NAALADL2: variants seen among roughly 807,000 people sequenced by gnomAD.
The protein encoded by NAALADL2 is inactive N-acetylated-alpha-linked acidic dipeptidase-like protein 2.
Under a neutral mutation model 87.2 loss-of-function variants are expected in NAALADL2, and 76 were observed. The ratio of observed to expected loss-of-function variants is 0.87; its 90% CI spans 0.72 to 1.05. The LOEUF (loss-of-function observed/expected upper bound fraction) is 1.05. NAALADL2 is among the 50% of genes least tolerant of loss of function. The pLI, the probability that NAALADL2 is intolerant of heterozygous loss-of-function variation, is 0.00. For synonymous variants in NAALADL2, 354 were observed against 331.0 expected (o/e 1.07, Z -0.75); for missense variants, 1,089 against 945.8 (o/e 1.15, Z -1.99).
At position 174,841,167 on chromosome 3, in the gene NAALADL2, C is replaced by T. The variant is rs564609980; in HGVS notation, c.-9+103421C>T. ...TAAACTATCCTTTTTCTCAGATTCT[C>T]TACAGTTAATTTGTTGTTGGAACCT... On this transcript the variant is annotated intron_variant, in intron 3 of 3. Coordinates refer to the NAALADL2 transcript ENST00000434257. 2.0e-5 allele frequency among the ~76,000 whole-genome samples: 3 copies of T among 152,270 alleles called. No individual in the cohort carries two copies. In the Middle Eastern group the frequency reaches 0.01, roughly 518 times the overall value.
intron 2 of NAALADL2, among the ~76,000 whole-genome samples, chr3:175,138,887 A>AATAT (rs58824117): frequency 0.022 from 2,051 of 95,174 alleles, 44 homozygotes; most frequent in East Asian, 0.058. Flanking sequence ...AGCCTTTTAA[A>AATAT]ATATATATAT....
chr3:175,306,165 T>G (rs1479102094), intron 4 of NAALADL2, among the ~76,000 whole-genome samples: 1 of 152,156 alleles, frequency 6.6e-6, no homozygotes, highest in Non-Finnish European at 1.5e-5. Context: ...ATTTTCTGAT[T>G]TTATGTGCCC....
intron 2 of NAALADL2, among the ~76,000 whole-genome samples, chr3:174,710,660 G>A (rs1277517464): frequency 1.3e-5 from 2 of 152,134 alleles, no homozygotes; most frequent in East Asian, 1.9e-4. Flanking sequence ...TGAAGATGGA[G>A]GGGGCCATCT....
Position 175,628,383 on chromosome 3 carries a change from C to A in NAALADL2, c.1896+997C>A, listed in dbSNP as rs73881313. 3.6e-3 allele frequency among the ~76,000 whole-genome samples: 552 copies of A among 151,372 alleles called. 3 individuals carry two copies. The highest frequency in any genetic ancestry group is 0.012 in the African/African-American group (510 of 41,412). On this transcript the variant is annotated intron_variant, in intron 11 of 13. Transcript: ENST00000454872. ...ATTTTCAACTTATCATGGACATAAC[C>A]CCATCATAAGTTGTGAAATGTGTGT... is the stretch of plus-strand genomic sequence containing the variant.
intron 5 of NAALADL2, among the ~76,000 whole-genome samples, chr3:175,423,051 A>ATATATATTTTT (rs1458599872): frequency 9.8e-5 from 9 of 91,510 alleles, no homozygotes; most frequent in South Asian, 4.3e-4. Flanking sequence ...ATATATATAT[A>ATATATATTTTT]TTTTTTTTTT....
intron 11 of NAALADL2, among the ~76,000 whole-genome samples, chr3:175,681,620 A>G (rs571196970): frequency 8.5e-5 from 13 of 152,322 alleles, no homozygotes; most frequent in African/African-American, 3.1e-4. Flanking sequence ...ATTTTTGTTC[A>G]AAATGGCTGT....
At chr3:175,364,978 ATACTGT>A (rs1196747144) in intron 5 of NAALADL2, among the ~76,000 whole-genome samples, 1 of 147,678 alleles carries the variant, frequency 6.8e-6, no homozygotes, top group African/African-American at 2.5e-5. Flanking sequence ...GGAAAATCTG[ATACTGT>A]TAGTGTATGA....
chr3:174,882,748 C>CATATATGTATAT (rs1729507547), intron 1 of NAALADL2, among the ~76,000 whole-genome samples: 1 of 138,416 alleles, frequency 7.2e-6, no homozygotes, highest in Non-Finnish European at 1.6e-5. Context: ...TGTGTATATA[C>CATATATGTATAT]ACACGTGTAT....
intron 2 of NAALADL2, among the ~76,000 whole-genome samples, chr3:175,191,411 T>G (rs780177674): frequency 2.0e-5 from 3 of 152,166 alleles, no homozygotes; most frequent in Non-Finnish European, 4.4e-5. Context: ...TGGATCAATA[T>G]TTGTATAAAG....
intron 2 of NAALADL2, among the ~76,000 whole-genome samples, chr3:174,555,605 T>A (rs955753570): frequency 6.6e-6 from 1 of 152,256 alleles, no homozygotes; most frequent in Admixed American, 6.5e-5. Flanking sequence ...TGGCCAAAAA[T>A]TCAGTTTTTT....
chr3:174,784,352 C>T (rs1056268709), intron 3 of NAALADL2, among the ~76,000 whole-genome samples: 18 of 152,016 alleles, frequency 1.2e-4, no homozygotes, highest in African/African-American at 2.7e-4. Context: ...CATTATGTGG[C>T]GAGTCTTTGC....
chr3:174,814,891 G>C (rs949312043), intron 3 of NAALADL2, among the ~76,000 whole-genome samples: 2 of 152,114 alleles, frequency 1.3e-5, no homozygotes, highest in African/African-American at 4.8e-5. Flanking sequence ...CTGTGGGTAC[G>C]TTATTTCAAA....
chr3:175,181,308 A>T (rs1473525005), intron 2 of NAALADL2, among the ~76,000 whole-genome samples: 4 of 152,034 alleles, frequency 2.6e-5, no homozygotes, highest in Admixed American at 2.0e-4. Context: ...ATAGTCATAT[A>T]TAAATTTATG....
chr3:175,302,697 G>T (rs59712389), intron 4 of NAALADL2, among the ~76,000 whole-genome samples: 25,403 of 152,008 alleles, frequency 0.17, 2,248 homozygotes, highest in African/African-American at 0.21. Context: ...AGTACAGTAT[G>T]TTAAAAATAG....
intron 1 of NAALADL2, among the ~76,000 whole-genome samples, chr3:175,045,638 A>G (rs1754576802): frequency 1.3e-5 from 2 of 152,202 alleles, no homozygotes; most frequent in South Asian, 4.1e-4. Context: ...AGCGGCCAGT[A>G]TGATAATCTA....
intron 3 of NAALADL2, among the ~76,000 whole-genome samples, chr3:175,243,929 A>C (rs572599335): frequency 4.2e-4 from 64 of 152,236 alleles, no homozygotes; most frequent in African/African-American, 1.5e-3. Context: ...CCTTCCTGGG[A>C]TACTTCTGGC....
intron 1 of NAALADL2, among the ~76,000 whole-genome samples, chr3:175,037,611 C>T (rs1753571095): frequency 6.6e-6 from 1 of 152,104 alleles, no homozygotes; most frequent in African/African-American, 2.4e-5. Context: ...CTGGATTCCA[C>T]AGTCTGCCTA....
intron 2 of NAALADL2, among the ~76,000 whole-genome samples, chr3:175,197,905 A>C (rs1178135014): frequency 6.6e-6 from 1 of 152,082 alleles, no homozygotes; most frequent in Non-Finnish European, 1.5e-5. Context: ...ACCCTGCAAC[A>C]CAGTGCAGAA....
intron 2 of NAALADL2, among the ~76,000 whole-genome samples, chr3:174,556,697 A>G (rs2108502713): frequency 6.6e-6 from 1 of 152,274 alleles, no homozygotes; most frequent in Admixed American, 6.5e-5. Flanking sequence ...GTGTTCTTGA[A>G]ATGCAAAGAG....
Sources: allele counts gnomAD v4.1 joint callset (sites outside exome capture counted in the v4.1 genomes callset), GRCh38; gene constraint gnomAD v4.1.1; transcripts MANE v1.5; gene names NCBI Gene and HGNC (gene_info 2026-07-23, HGNC 2026-07-21).